PCDHGA7: variants seen among roughly 807,000 people sequenced by gnomAD.
PCDHGA7 encodes the protein protocadherin gamma-A7.
Under a neutral mutation model 58.3 loss-of-function variants are expected in PCDHGA7, and 44 were observed. The ratio of observed to expected loss-of-function variants is 0.75; its 90% confidence interval spans 0.59 to 0.97. The LOEUF is 0.97. Among genes scored for constraint, PCDHGA7 ranks in the 50% least tolerant of loss-of-function variants. The pLI, the probability that PCDHGA7 is intolerant of heterozygous loss-of-function variation, is 0.00. For synonymous variants in PCDHGA7, 516 were observed against 504.2 expected (o/e 1.02, Z -0.31); for missense variants, 1,266 against 1,188.7 (o/e 1.06, Z -0.96).
In PCDHGA7 at chr5:141,476,742, G is replaced by C. The variant is rs1015622831; in HGVS notation, c.2425-18065G>C. 8.7e-6 allele frequency: 14 copies of C among 1,613,936 alleles called. No homozygotes were observed. Among genetic ancestry groups the C allele is most frequent in the Non-Finnish European group, 1.1e-5 (13 of 1,180,032 alleles). On this transcript the variant is annotated intron_variant, in intron 1 of 3. Transcript: ENST00000518325. The surrounding 1 kb of genome is among the most constrained non-coding windows in gnomAD (Gnocchi z 7.6). ...GCCCTGGACCGAGAACGGGAGCCTA[G>C]TCTCCAGTTAGTGCTGACGGCGTTG...
At chr5:141,450,898 C>T (rs929869116) in intron 1 of PCDHGA7, among the ~76,000 whole-genome samples, 12 of 150,412 alleles carry the variant, frequency 8.0e-5, no homozygotes, top group African/African-American at 2.9e-4. Context: ...GATATCGGCT[C>T]ACTGCAACCG....
chr5:141,393,500 C>T lies in PCDHGA7; in HGVS notation c.2424+8177C>T, dbSNP rs747121608. 6.2e-6 allele frequency: 10 copies of T among 1,613,922 alleles called. No homozygotes were observed. In the African/African-American group the frequency reaches 6.7e-5, roughly 11 times the overall value. On this transcript the variant is annotated intron_variant, in intron 1 of 3. Coordinates refer to ENST00000518325, the MANE Select transcript of PCDHGA7 (RefSeq NM_018920.4). The stretch of plus-strand genomic sequence containing the variant: ...CTCGCTCTAGCACAGTGCGCATCCA[C>T]GTGACAGTGTTGGATACAAATGACA...
chr5:141,392,273 G>A (rs1037062086), intron 1 of PCDHGA7: 3 of 152,178 alleles, frequency 2.0e-5, no homozygotes, highest in Admixed American at 2.0e-4. Flanking sequence ...TTACAATAAA[G>A]CTTAGAGCAC....
intron 1 of PCDHGA7, among the ~76,000 whole-genome samples, chr5:141,447,353 G>C (rs559895274): frequency 6.6e-6 from 1 of 152,032 alleles, no homozygotes; most frequent in Admixed American, 6.6e-5. Context: ...TGGTCAGGCT[G>C]GTCTCAAACT....
chr5:141,417,550 A>G, intron 1 of PCDHGA7: 1 of 326,094 alleles, frequency 3.1e-6, no homozygotes, highest in Non-Finnish European at 5.5e-6. Flanking sequence ...ATTCCTTGAA[A>G]GAGGTAGAGA....
chr5:141,492,846 A>G (rs1404624093), intron 1 of PCDHGA7, among the ~76,000 whole-genome samples: 1 of 152,184 alleles, frequency 6.6e-6, no homozygotes, highest in African/African-American at 2.4e-5. Flanking sequence ...AGGAAGTGAA[A>G]GCCTCGAGCG....
chr5:141,423,195 G>C, intron 1 of PCDHGA7: 14 of 1,613,544 alleles, frequency 8.7e-6, no homozygotes, highest in Non-Finnish European at 1.2e-5. Flanking sequence ...CCCCTCTCTC[G>C]GCCACCGTCA....
Position 141,490,019 on chromosome 5 carries a change from T to C in PCDHGA7, c.2425-4788T>C. 2 of 1,614,272 alleles carry C rather than the reference T, an allele frequency of 1.2e-6. No homozygotes were observed. Among genetic ancestry groups the C allele is most frequent in the East Asian group, 2.2e-5 (1 of 44,886 alleles). ...CCAGAGAATGCACCCATTGGTACTCTGCTGCTCCGCCTCAATGCCACTGAT... is the reference window on the plus strand; with the variant it reads ...CCAGAGAATGCACCCATTGGTACTCCGCTGCTCCGCCTCAATGCCACTGAT... On this transcript the variant is annotated intron_variant, in intron 1 of 3. Coordinates refer to ENST00000518325, the MANE Select transcript of PCDHGA7 (RefSeq NM_018920.4). This position sits in a 1 kb window ranked among gnomAD's most constrained non-coding sequence, Gnocchi z 5.4.
chr5:141,463,814 C>T (rs1359662651), intron 1 of PCDHGA7, among the ~76,000 whole-genome samples: 7 of 152,188 alleles, frequency 4.6e-5, no homozygotes, highest in African/African-American at 1.7e-4. Flanking sequence ...GCTTTTATCA[C>T]ACATTTTGAT....
At chr5:141,393,363 A>T (rs1464639963) in intron 1 of PCDHGA7, 1 of 1,613,930 alleles carries the variant, frequency 6.2e-7, no homozygotes, top group South Asian at 1.1e-5. Flanking sequence ...GGACGTGCAG[A>T]CTGGAGACAA....
Position 141,491,300 on chromosome 5 carries a change from G to T in PCDHGA7, c.2425-3507G>T. On this transcript the variant is annotated intron_variant, in intron 1 of 3. Coordinates refer to ENST00000518325, the MANE Select transcript of PCDHGA7 (RefSeq NM_018920.4). The surrounding 1 kb of genome is among the most constrained non-coding windows in gnomAD (Gnocchi z 6.9). Reference sequence around the variant, plus strand: ...GACTTCCTCATACACCCTCCTGAGCGTTCAGACCTTACCCTTTACCTCATT... The same window carrying T: ...GACTTCCTCATACACCCTCCTGAGCTTTCAGACCTTACCCTTTACCTCATT... The T allele has an allele frequency of 6.2e-7, 1 of 1,614,136 alleles. No homozygotes were observed. The highest frequency in any genetic ancestry group is 8.5e-7 in the Non-Finnish European group (1 of 1,179,962).
chr5:141,443,848 G>A lies in PCDHGA7; in HGVS notation c.2425-50959G>A, dbSNP rs528933391. 2.6e-5 allele frequency among the ~76,000 whole-genome samples: 4 copies of A among 152,272 alleles called. No individual in the cohort carries two copies. The South Asian group carries it at 8.3e-4, about 32-fold the overall frequency. ...TTAGGTAAAATGGGTAATATGGAAA[G>A]TCTGAAAACTGAAAAAATTACTGAT... On this transcript the variant is annotated intron_variant, in intron 1 of 3. Transcript: ENST00000518325.
intron 1 of PCDHGA7, among the ~76,000 whole-genome samples, chr5:141,471,998 A>T (rs938492822): frequency 5.3e-5 from 8 of 152,276 alleles, no homozygotes; most frequent in South Asian, 2.1e-4. Context: ...AAATCCCTGC[A>T]TCGTATAGGG....
chr5:141,425,243 G>T (rs2096863760), intron 1 of PCDHGA7, among the ~76,000 whole-genome samples: 1 of 152,132 alleles, frequency 6.6e-6, no homozygotes, highest in Non-Finnish European at 1.5e-5. Flanking sequence ...AAATAAAAAG[G>T]ATATGAGGTA....
chr5:141,423,554 A>G (rs1383467583), intron 1 of PCDHGA7: 8 of 1,613,590 alleles, frequency 5.0e-6, no homozygotes, highest in East Asian at 4.5e-5. Flanking sequence ...CAGCCCAACT[A>G]TGGGGACACG....
Position 141,477,209 on chromosome 5 carries a change from G to A in PCDHGA7, c.2425-17598G>A. ...CGTGTACAGCCCAGTACCCGAGGAT[G>A]CCCCTCTGGGGACTGTCATCGCTTT... is the stretch of plus-strand genomic sequence containing the variant. On this transcript the variant is annotated intron_variant, in intron 1 of 3. Coordinates refer to ENST00000518325, the MANE Select transcript of PCDHGA7 (RefSeq NM_018920.4). This position sits in a 1 kb window ranked among gnomAD's most constrained non-coding sequence, Gnocchi z 4.9. The A allele has an allele frequency of 6.2e-7, 1 of 1,614,194 alleles. No homozygotes were observed.
chr5:141,428,344 G>T (rs970552377), intron 1 of PCDHGA7: 3 of 596,498 alleles, frequency 5.0e-6, no homozygotes, highest in Non-Finnish European at 6.1e-6. Flanking sequence ...CTTCTTCCTC[G>T]CAGTGATTTT....
At position 141,487,621 on chromosome 5, in the gene PCDHGA7, A is replaced by G; in HGVS notation, c.2425-7186A>G. The G allele has an allele frequency of 6.2e-7, 1 of 1,614,164 alleles. No individual in the cohort carries two copies. On this transcript the variant is annotated intron_variant, in intron 1 of 3. Transcript: ENST00000518325. This position sits in a 1 kb window ranked among gnomAD's most constrained non-coding sequence, Gnocchi z 5.0. ...ATCTTCTCTATGGGCTAGAGGTGAG[A>G]CCTTTGCAGGCTCAACAAATGCTTG... is the stretch of plus-strand genomic sequence containing the variant.
At position 141,476,792 on chromosome 5, in the gene PCDHGA7, G is replaced by T. The variant is rs376910320; in HGVS notation, c.2425-18015G>T. ...GGACGGAGGGACCCCAGCTCTCTCC[G>T]CCAGCCTGCCTATTCACATCAAGGT... On this transcript the variant is annotated intron_variant, in intron 1 of 3. Coordinates refer to ENST00000518325, the MANE Select transcript of PCDHGA7 (RefSeq NM_018920.4). The surrounding 1 kb of genome is among the most constrained non-coding windows in gnomAD (Gnocchi z 7.6). 4.3e-6 allele frequency: 7 copies of T among 1,612,720 alleles called. No individual in the cohort carries two copies. Among genetic ancestry groups the T allele is most frequent in the Non-Finnish European group, 5.1e-6 (6 of 1,179,958 alleles).
Sources: allele counts gnomAD v4.1 joint callset (sites outside exome capture counted in the v4.1 genomes callset), GRCh38; gene constraint gnomAD v4.1.1; non-coding constraint Gnocchi (gnomAD v3.1); transcripts MANE v1.5; gene names NCBI Gene and HGNC (gene_info 2026-07-23, HGNC 2026-07-21).